Variants in COL6A6 observed in about 807,000 individuals in gnomAD.
COL6A6 encodes the protein collagen type VI alpha 6 chain, also known as collagen alpha-6(VI) chain.
In COL6A6, 183 loss-of-function variants were observed where a neutral mutation model predicts 208.6. The observed-to-expected ratio is 0.88, with a 90% confidence interval of 0.78 to 0.99. COL6A6 has a LOEUF of 0.99. COL6A6 is among the 50% of genes least tolerant of loss of function. COL6A6 has a pLI of 0.00. For missense variants in COL6A6, 2,816 were observed against 2,815.2 expected, an observed-to-expected ratio of 1.00 and a Z score of -0.01; for synonymous variants, 973 against 1,011.8, an observed-to-expected ratio of 0.96 and a Z score of 0.73.
intron 1 of COL6A6, among the ~76,000 whole-genome samples, chr3:130,554,240 G>C (rs1577685338): frequency 6.6e-6 from 1 of 152,240 alleles, no homozygotes; most frequent in East Asian, 1.9e-4. Flanking sequence ...AGGGGTGCCA[G>C]CTCTTGTGCA....
intron 33 of COL6A6, among the ~76,000 whole-genome samples, chr3:130,658,387 G>A (rs1020559887): frequency 2.6e-5 from 4 of 152,180 alleles, no homozygotes; most frequent in East Asian, 1.9e-4. Context: ...CTGTGCAAGC[G>A]CTTTACAAAT....
chr3:130,520,884 T>G (rs192869119), intron 1 of COL6A6, among the ~76,000 whole-genome samples: 5 of 152,260 alleles, frequency 3.3e-5, no homozygotes, highest in Non-Finnish European at 4.4e-5. Flanking sequence ...ACTAATGCAT[T>G]TAACAGTCCC....
In COL6A6 at chr3:130,596,144, G is replaced by A. The variant is rs559586989; in HGVS notation, c.4533+1801G>A. Among the ~76,000 whole-genome samples the A allele has an allele frequency of 3.9e-4, 60 of 152,268 alleles. No individual in the cohort carries two copies. The South Asian group carries it at 0.01, about 26-fold the overall frequency. On this transcript the variant is annotated intron_variant, in intron 18 of 36. Transcript: ENST00000358511. ...TGTATTTAAAAACAGAGGAATTTGC[G>A]CATGAGGAAAACATTGTTGACTAAG...
intron 1 of COL6A6, among the ~76,000 whole-genome samples, chr3:130,548,479 A>T (rs1340184175): frequency 6.6e-6 from 1 of 152,102 alleles, no homozygotes; most frequent in African/African-American, 2.4e-5. Context: ...TTGGAGTTGG[A>T]TATTTCTTCC....
chr3:130,549,550 T>C (rs2107793091), intron 1 of COL6A6, among the ~76,000 whole-genome samples: 1 of 152,348 alleles, frequency 6.6e-6, no homozygotes, highest in South Asian at 2.1e-4. Flanking sequence ...TTTAAATCCA[T>C]CTTGGATTGT....
At chr3:130,589,245 A>G in intron 12 of COL6A6, 63 bp downstream of exon 12, 1 of 1,117,684 alleles carries the variant, frequency 8.9e-7, no homozygotes, top group Non-Finnish European at 1.4e-6. Context: ...ACATGGGTTT[A>G]AGTAGAAATA....
rs1710791110 is a variant in COL6A6, at chr3:130,517,329, G to T, written c.-100G>T. On this transcript the variant is annotated 5_prime_UTR_variant, in exon 1 of 37. Transcript: ENST00000358511. ...GCGGTGCGCCCTGCCCGCGCAGTGCGCGTCCAGAGGAAATCCGCCCCGGGC... is the reference window on the plus strand; with the variant it reads ...GCGGTGCGCCCTGCCCGCGCAGTGCTCGTCCAGAGGAAATCCGCCCCGGGC... 1.1e-4 allele frequency among the ~76,000 whole-genome samples: 17 copies of T among 152,258 alleles called. No homozygotes were observed. The highest frequency in any genetic ancestry group is 1.0e-3 in the Admixed American group (16 of 15,292).
chr3:130,562,255 C>G (rs1176054059), intron 2 of COL6A6, among the ~76,000 whole-genome samples: 1 of 152,156 alleles, frequency 6.6e-6, no homozygotes, highest in Non-Finnish European at 1.5e-5. Flanking sequence ...AGTGTTGAAT[C>G]TAACAATGAA....
At chr3:130,667,388 C>A (rs547476826) in intron 36 of COL6A6, among the ~76,000 whole-genome samples, 1 of 152,214 alleles carries the variant, frequency 6.6e-6, no homozygotes, top group Admixed American at 6.5e-5. Context: ...AGGTGTGCAC[C>A]ACCACGCCTG....
intron 1 of COL6A6, among the ~76,000 whole-genome samples, chr3:130,518,036 A>C (rs1279015192): frequency 2.0e-5 from 3 of 152,224 alleles, no homozygotes; most frequent in Non-Finnish European, 4.4e-5. Flanking sequence ...TGAAGAGGAG[A>C]GGAGGCAGGC....
At chr3:130,665,149 C>G in intron 36 of COL6A6, 53 bp downstream of exon 36, 7 of 1,211,290 alleles carry the variant, frequency 5.8e-6, no homozygotes, top group Non-Finnish European at 8.2e-6. Context: ...TGCCTTTCTT[C>G]TATTTTCCTC....
intron 32 of COL6A6, among the ~76,000 whole-genome samples, chr3:130,645,364 A>ACTTTCTGGGCTCAAGTGAT (rs2065437270): frequency 6.6e-6 from 1 of 151,994 alleles, no homozygotes; most frequent in African/African-American, 2.4e-5. Context: ...TGCATTCTTG[A>ACTTTCTGGGCTCAAGTGAT]CCTTCTGGGC....
In COL6A6 at chr3:130,570,947, A is replaced by G. The variant is rs1577736635; in HGVS notation, c.2531A>G (p.Asn844Ser). ...GLVKKADVGK[N>S]QVRFGALKYA... The stretch of plus-strand genomic sequence containing the variant: ...GTGAAAAAAGCTGATGTGGGCAAGA[A>G]TCAGGTCCGGTTTGGGGCTCTGAAG... The change falls in exon 7 of 37, where the codon AAT becomes AGT. Residue 844 changes from asparagine to serine, a missense_variant. Asn to Ser is a conservative substitution (Grantham distance 46). Transcript: ENST00000358511. 2 of 1,614,044 alleles carry G rather than the reference A, an allele frequency of 1.2e-6. No individual in the cohort carries two copies. The highest frequency in any genetic ancestry group is 1.7e-6 in the Non-Finnish European group (2 of 1,179,894).
chr3:130,609,364 AT>A (rs1402230477), intron 22 of COL6A6, among the ~76,000 whole-genome samples: 3 of 152,224 alleles, frequency 2.0e-5, no homozygotes, highest in Non-Finnish European at 4.4e-5. Context: ...TTAGGAAAGA[AT>A]TGCTCGAAAG....
chr3:130,603,103 C>A (rs2064074546), intron 20 of COL6A6, among the ~76,000 whole-genome samples: 1 of 152,290 alleles, frequency 6.6e-6, no homozygotes, highest in South Asian at 2.1e-4. Context: ...CATTTGAACA[C>A]CTACAGTCCA....
At chr3:130,642,281 GTGTGTA>G (rs1249687044) in intron 29 of COL6A6, among the ~76,000 whole-genome samples, 1 of 135,570 alleles carries the variant, frequency 7.4e-6, no homozygotes, top group Non-Finnish European at 1.6e-5. Flanking sequence ...GTGTGTGTGT[GTGTGTA>G]TTTTTTGTTT....
At chr3:130,614,125 T>C (rs1475049811) in intron 23 of COL6A6, among the ~76,000 whole-genome samples, 1 of 152,216 alleles carries the variant, frequency 6.6e-6, no homozygotes, top group African/African-American at 2.4e-5. Context: ...CTTTTGCCTA[T>C]TCAGTATGAT....
intron 31 of COL6A6, among the ~76,000 whole-genome samples, chr3:130,644,136 A>G (rs2065396552): frequency 6.6e-6 from 1 of 152,254 alleles, no homozygotes; most frequent in Non-Finnish European, 1.5e-5. Flanking sequence ...TGTTATTTAG[A>G]ACAAAAAAGA....
chr3:130,649,038 A>C, intron 32 of COL6A6, 31 bp from the exon 33 acceptor site: 1 of 1,413,100 alleles, frequency 7.1e-7, no homozygotes, highest in Non-Finnish European at 9.3e-7. Context: ...TTAAATAAGG[A>C]TGCTATGTGT....
Sources: gnomAD v4.1 joint callset for allele counts (sites outside exome capture counted in the v4.1 genomes callset) on GRCh38, gnomAD v4.1.1 for gene constraint, MANE v1.5 for transcripts, NCBI Gene and HGNC (gene_info 2026-07-23, HGNC 2026-07-21) for gene names.